Variants in DNMT3B observed in about 807,000 individuals in gnomAD.
DNMT3B encodes DNA (cytosine-5)-methyltransferase 3B.
Under a neutral mutation model 120.2 loss-of-function variants are expected in DNMT3B, and 37 were observed. The observed-to-expected ratio is 0.31, with a 90% CI of 0.24 to 0.40. The LOEUF is 0.40. Ranked by LOEUF, DNMT3B falls within the 10% of genes least tolerant of loss-of-function variation. DNMT3B has a pLI of 1.00. For synonymous variants in DNMT3B, 412 were observed against 442.8 expected, an observed-to-expected ratio of 0.93 and a Z score of 0.87; for missense variants, 878 against 1,137.3, an observed-to-expected ratio of 0.77 and a Z score of 3.28.
At chr20:32,768,300 A>G (rs528166200) in intron 1 of DNMT3B, among the ~76,000 whole-genome samples, 4 of 88,612 alleles carry the variant, frequency 4.5e-5, no homozygotes, top group Non-Finnish European at 7.3e-5. Flanking sequence ...GGTTCAAGCA[A>G]TTCTGACTCA....
At chr20:32,801,535 T>C in intron 19 of DNMT3B, 109 bp downstream of exon 19, 1 of 1,458,518 alleles carries the variant, frequency 6.9e-7, no homozygotes, top group Non-Finnish European at 9.5e-7. Context: ...TTTCCCGTTC[T>C]TGGTCTGGCT....
intron 1 of DNMT3B, among the ~76,000 whole-genome samples, chr20:32,779,245 C>G (rs1468488609): frequency 6.6e-6 from 1 of 152,190 alleles, no homozygotes; most frequent in Non-Finnish European, 1.5e-5. Flanking sequence ...AAAGCAAAGG[C>G]AAGTGACTTG....
Position 32,798,580 on chromosome 20 carries a change from G to A in DNMT3B, c.1611G>A (p.Arg537=), listed in dbSNP as rs966814180. ...CLPQRCHGVL[R]RRKDWNVRLQ... ...CGCAGCGCTGTCATGGCGTCCTGCG[G>A]CGCCGGAAGGACTGGAACGTGCGCC... Residue 537 remains arginine, a synonymous_variant, in exon 15 of 23, where the codon CGG becomes CGA. Transcript: ENST00000328111. The A allele has an allele frequency of 1.2e-5, 20 of 1,614,134 alleles. No individual in the cohort carries two copies. The highest frequency in any genetic ancestry group is 1.6e-5 in the Non-Finnish European group (19 of 1,180,056).
chr20:32,767,623 A>G (rs1987465137), intron 1 of DNMT3B, among the ~76,000 whole-genome samples: 1 of 152,148 alleles, frequency 6.6e-6, no homozygotes, highest in South Asian at 2.1e-4. Flanking sequence ...TTGTAGAAAC[A>G]TTAAAGTCTC....
At chr20:32,769,265 T>G (rs1357433379) in intron 1 of DNMT3B, among the ~76,000 whole-genome samples, 1 of 152,090 alleles carries the variant, frequency 6.6e-6, no homozygotes, top group East Asian at 1.9e-4. Flanking sequence ...TTTTTTGTAT[T>G]TTTAGTAGAG....
chr20:32,794,027 A>AT (rs1386404229), intron 10 of DNMT3B, among the ~76,000 whole-genome samples: 10 of 152,110 alleles, frequency 6.6e-5, no homozygotes, highest in Admixed American at 5.9e-4. Context: ...ATATTATGTA[A>AT]AATTAAAAAG....
intron 14 of DNMT3B, 80 bp downstream of exon 14, chr20:32,797,379 G>A (rs1196732408): frequency 7.3e-7 from 1 of 1,377,412 alleles, no homozygotes; most frequent in South Asian, 1.2e-5. Context: ...ACAGCTGTCT[G>A]TTGAATGGAA....
intron 6 of DNMT3B, 128 bp downstream of exon 6, chr20:32,787,579 C>T (rs182972433): frequency 5.8e-4 from 629 of 1,090,352 alleles, no homozygotes; most frequent in Non-Finnish European, 7.9e-4. Flanking sequence ...TAATAATTGA[C>T]ATGTTTGAAT....
chr20:32,781,270 G>C (rs1164316955), intron 2 of DNMT3B, 83 bp from the exon 3 acceptor site: 1 of 1,470,490 alleles, frequency 6.8e-7, no homozygotes, highest in Non-Finnish European at 9.5e-7. Context: ...GCCACGCCAC[G>C]GAGAAAAGCC....
At chr20:32,800,328 A>T in intron 17 of DNMT3B, 30 bp downstream of exon 17, 1 of 1,613,670 alleles carries the variant, frequency 6.2e-7, no homozygotes, top group Non-Finnish European at 8.5e-7. Flanking sequence ...TGCGGGCCTC[A>T]TCTCTTCCTG....
chr20:32,800,068 C>A, intron 16 of DNMT3B, 85 bp from the exon 17 acceptor site: 1 of 1,581,522 alleles, frequency 6.3e-7, no homozygotes, highest in South Asian at 1.1e-5. Flanking sequence ...AGGAACTGTT[C>A]ATTTTACCAT....
chr20:32,802,083 G>A (rs1429578003), intron 19 of DNMT3B, among the ~76,000 whole-genome samples: 1 of 152,138 alleles, frequency 6.6e-6, no homozygotes, highest in Non-Finnish European at 1.5e-5. Flanking sequence ...CATTTTGGGA[G>A]GCTGAGGTTG....
chr20:32,806,002 A>G (rs1981933627), intron 21 of DNMT3B, among the ~76,000 whole-genome samples: 1 of 151,942 alleles, frequency 6.6e-6, no homozygotes, highest in Non-Finnish European at 1.5e-5. Flanking sequence ...TTGTCTCTCC[A>G]ACTCTGCTTT....
At chr20:32,804,684 CTTTTTTTT>C (rs537765800) in intron 20 of DNMT3B, among the ~76,000 whole-genome samples, 1 of 112,670 alleles carries the variant, frequency 8.9e-6, no homozygotes, top group Non-Finnish European at 1.8e-5. Context: ...GGTGCTTAGT[CTTTTTTTT>C]TTTTTTTTTT....
At chr20:32,798,150 G>A (rs899916839) in intron 14 of DNMT3B, among the ~76,000 whole-genome samples, 1 of 152,176 alleles carries the variant, frequency 6.6e-6, no homozygotes, top group African/African-American at 2.4e-5. Context: ...AAGGGGATGA[G>A]TAGGGTGTCA....
At chr20:32,797,729 G>A (rs537940156) in intron 14 of DNMT3B, among the ~76,000 whole-genome samples, 4 of 150,950 alleles carry the variant, frequency 2.6e-5, no homozygotes, top group Non-Finnish European at 4.4e-5. Context: ...GCACAATCTT[G>A]GCTCACTGCA....
chr20:32,800,549 C>T (rs1056677630), intron 17 of DNMT3B, among the ~76,000 whole-genome samples: 2 of 152,158 alleles, frequency 1.3e-5, no homozygotes, highest in South Asian at 2.1e-4. Context: ...ACCTCTGCCT[C>T]CCGGGTTTAA....
intron 1 of DNMT3B, among the ~76,000 whole-genome samples, chr20:32,765,701 G>A (rs532146185): frequency 6.7e-5 from 10 of 149,690 alleles, no homozygotes; most frequent in South Asian, 4.2e-4. Context: ...GATTGTAGGC[G>A]TGGCTGTTAC....
At chr20:32,785,720 C>T (rs2145938360) in intron 4 of DNMT3B, among the ~76,000 whole-genome samples, 1 of 152,284 alleles carries the variant, frequency 6.6e-6, no homozygotes, top group Non-Finnish European at 1.5e-5. Context: ...GGTTCTGCAA[C>T]AACCAAATTC....
Sources: gnomAD v4.1 joint callset for allele counts (sites outside exome capture counted in the v4.1 genomes callset) on GRCh38, gnomAD v4.1.1 for gene constraint, MANE v1.5 for transcripts, NCBI Gene and HGNC (gene_info 2026-07-23, HGNC 2026-07-21) for gene names.